Variants in BRINP3 observed in about 807,000 individuals in gnomAD.
BRINP3 encodes the protein BMP/retinoic acid-inducible neural-specific protein 3.
Under a neutral mutation model 71.0 loss-of-function variants are expected in BRINP3, and 19 were observed. The observed-to-expected ratio is 0.27, with a 90% CI of 0.19 to 0.39. The LOEUF is 0.39. Among genes scored for constraint, BRINP3 ranks in the 10% least tolerant of loss-of-function variants. The pLI is 1.00. For synonymous variants in BRINP3, 380 were observed against 337.7 expected, an observed-to-expected ratio of 1.13 and a Z score of -1.37; for missense variants, 959 against 940.8, an observed-to-expected ratio of 1.02 and a Z score of -0.25.
intron 2 of BRINP3, among the ~76,000 whole-genome samples, chr1:190,390,845 C>CA (rs1671206875): frequency 6.6e-6 from 1 of 151,838 alleles, no homozygotes; most frequent in Non-Finnish European, 1.5e-5. Context: ...AGTCTCAGTG[C>CA]AAAAAGACTT....
intron 6 of BRINP3, among the ~76,000 whole-genome samples, chr1:190,166,651 T>C (rs1352261050): frequency 6.6e-6 from 1 of 152,136 alleles, no homozygotes; most frequent in Non-Finnish European, 1.5e-5. Flanking sequence ...GCAGTAATGG[T>C]AATGGTTAGT....
intron 6 of BRINP3, among the ~76,000 whole-genome samples, chr1:190,161,729 C>A (rs954313713): frequency 6.6e-6 from 1 of 151,906 alleles, no homozygotes; most frequent in Non-Finnish European, 1.5e-5. Flanking sequence ...AAGGTGGAAA[C>A]AACTAGACGG....
chr1:190,109,443 T>G (rs1202473080), intron 7 of BRINP3, among the ~76,000 whole-genome samples: 1 of 152,194 alleles, frequency 6.6e-6, no homozygotes, highest in Non-Finnish European at 1.5e-5. Flanking sequence ...CATCAACCTA[T>G]TGACACATTC....
intron 6 of BRINP3, among the ~76,000 whole-genome samples, chr1:190,212,077 T>C (rs889499067): frequency 6.6e-6 from 1 of 152,134 alleles, no homozygotes; most frequent in Non-Finnish European, 1.5e-5. Context: ...AAATCAAGAT[T>C]GAGACTGTTG....
At chr1:190,331,035 T>G (rs2103079580) in intron 2 of BRINP3, among the ~76,000 whole-genome samples, 1 of 151,858 alleles carries the variant, frequency 6.6e-6, no homozygotes, top group South Asian at 2.1e-4. Flanking sequence ...CATCCGAACT[T>G]CAGCATCATG....
chr1:190,242,062 T>C (rs901642498), intron 4 of BRINP3, among the ~76,000 whole-genome samples: 1 of 151,814 alleles, frequency 6.6e-6, no homozygotes, highest in Non-Finnish European at 1.5e-5. Context: ...TTCCACTTTT[T>C]TACCCAGTTG....
chr1:190,121,626 A>G (rs1653668718), intron 7 of BRINP3, among the ~76,000 whole-genome samples: 1 of 152,182 alleles, frequency 6.6e-6, no homozygotes, highest in South Asian at 2.1e-4. Flanking sequence ...TAGTTTCCAT[A>G]TGGAAACCTT....
intron 2 of BRINP3, among the ~76,000 whole-genome samples, chr1:190,369,108 T>C (rs950805066): frequency 6.6e-6 from 1 of 152,068 alleles, no homozygotes; most frequent in East Asian, 1.9e-4. Flanking sequence ...CTAAACCATA[T>C]CATCCAGGTA....
chr1:190,098,605 A>G lies in BRINP3; in HGVS notation c.1714T>C (p.Tyr572His), dbSNP rs1341094371. ...NSTLEPVLAV[Y>H]VNPFGGSHSE... ...TGGCTGCCTCCGAAGGGATTGACAT[A>G]AACAGCCAACACTGGCTCCAAGGTG... Residue 572 changes from tyrosine to histidine, a missense_variant, in exon 8 of 8, where the codon TAT (tyrosine) becomes CAT (histidine). Coordinates refer to ENST00000367462, the MANE Select transcript of BRINP3 (RefSeq NM_199051.3). 6.2e-7 allele frequency: 1 copy of G among 1,614,194 alleles called. No individual in the cohort carries two copies. Among genetic ancestry groups the G allele is most frequent in the Non-Finnish European group, 8.5e-7 (1 of 1,180,040 alleles).
intron 3 of BRINP3, among the ~76,000 whole-genome samples, chr1:190,274,196 T>C (rs946436935): frequency 1.3e-5 from 2 of 151,520 alleles, no homozygotes; most frequent in Non-Finnish European, 3.0e-5. Flanking sequence ...GAAACCAACA[T>C]ATAATATTGG....
intron 7 of BRINP3, among the ~76,000 whole-genome samples, chr1:190,125,551 T>C (rs979148028): frequency 2.6e-5 from 4 of 152,034 alleles, no homozygotes; most frequent in African/African-American, 7.2e-5. Flanking sequence ...GAATATGTAA[T>C]TGATTTTCTG....
chr1:190,214,978 T>C (rs1389736385), intron 6 of BRINP3, among the ~76,000 whole-genome samples: 1 of 151,694 alleles, frequency 6.6e-6, no homozygotes, highest in Non-Finnish European at 1.5e-5. Context: ...AACATTTTTC[T>C]ATCTTGAATG....
intron 3 of BRINP3, among the ~76,000 whole-genome samples, chr1:190,280,204 A>G (rs139927538): frequency 3.4e-3 from 524 of 151,974 alleles, no homozygotes; most frequent in African/African-American, 0.012. Flanking sequence ...GGCCTCCCTG[A>G]AAAAATAACA....
chr1:190,157,748 G>A (rs1056691171), intron 7 of BRINP3, among the ~76,000 whole-genome samples: 4 of 151,976 alleles, frequency 2.6e-5, no homozygotes, highest in African/African-American at 9.7e-5. Context: ...TATTTGTGGA[G>A]GAAATAAGAA....
chr1:190,164,999 G>A (rs1651362763), intron 6 of BRINP3, among the ~76,000 whole-genome samples: 2 of 151,700 alleles, frequency 1.3e-5, no homozygotes, highest in African/African-American at 4.8e-5. Context: ...AAGTATTTCA[G>A]TAGAAATGAC....
intron 2 of BRINP3, among the ~76,000 whole-genome samples, chr1:190,291,469 A>T (rs1284871302): frequency 1.3e-5 from 2 of 152,134 alleles, no homozygotes; most frequent in East Asian, 3.8e-4. Flanking sequence ...ACAAATAAAA[A>T]TACCCTGATT....
chr1:190,451,626 C>G (rs1675613115), intron 2 of BRINP3, among the ~76,000 whole-genome samples: 1 of 151,998 alleles, frequency 6.6e-6, no homozygotes, highest in Admixed American at 6.6e-5. Flanking sequence ...AGTGATCAAT[C>G]CACAAATTAA....
At chr1:190,365,154 A>T (rs1316790900) in intron 2 of BRINP3, among the ~76,000 whole-genome samples, 1 of 152,140 alleles carries the variant, frequency 6.6e-6, no homozygotes, top group Non-Finnish European at 1.5e-5. Flanking sequence ...ATAATTTATA[A>T]AAAGTTCTCA....
intron 6 of BRINP3, among the ~76,000 whole-genome samples, chr1:190,195,957 C>T (rs1654441153): frequency 6.6e-6 from 1 of 152,112 alleles, no homozygotes; most frequent in Non-Finnish European, 1.5e-5. Flanking sequence ...GGCACACCTT[C>T]TCAGTCCAAA....
Sources: allele counts gnomAD v4.1 joint callset (sites outside exome capture counted in the v4.1 genomes callset), GRCh38; gene constraint gnomAD v4.1.1; transcripts MANE v1.5; gene names NCBI Gene and HGNC (gene_info 2026-07-23, HGNC 2026-07-21).